Variants in PLXNA4 observed in about 807,000 individuals in gnomAD.
PLXNA4 encodes plexin A4, also known as plexin-A4.
Under a neutral mutation model 191.8 loss-of-function variants are expected in PLXNA4, and 44 were observed. The ratio of observed to expected loss-of-function variants is 0.23; its 90% CI spans 0.18 to 0.29. PLXNA4 has a LOEUF of 0.29. Ranked by LOEUF, PLXNA4 falls within the 10% of genes least tolerant of loss-of-function variation. The probability of loss-of-function intolerance (pLI) is 1.00; values close to 1 mark genes in which losing one functional copy is unlikely to be tolerated. For synonymous variants in PLXNA4, 1,082 were observed against 1,009.5 expected (o/e 1.07, Z -1.36); for missense variants, 1,800 against 2,488.8 (o/e 0.72, Z 5.89).
At chr7:132,239,377 A>C (rs1798805946) in intron 5 of PLXNA4, among the ~76,000 whole-genome samples, 1 of 152,164 alleles carries the variant, frequency 6.6e-6, no homozygotes, top group Non-Finnish European at 1.5e-5. Context: ...CTGGGACAGC[A>C]TTGTGGGCAG....
chr7:132,622,738 T>C (rs151191927), intron 2 of PLXNA4, among the ~76,000 whole-genome samples: 13 of 152,108 alleles, frequency 8.5e-5, no homozygotes, highest in Middle Eastern at 6.8e-3. Flanking sequence ...CTGCAGAGAG[T>C]CTAGATGCTG....
intron 3 of PLXNA4, among the ~76,000 whole-genome samples, chr7:132,398,345 C>A (rs1423192341): frequency 6.6e-6 from 1 of 152,214 alleles, no homozygotes; most frequent in Non-Finnish European, 1.5e-5. Flanking sequence ...CCAGGAAGAC[C>A]CTGCTGAGTG....
chr7:132,431,228 A>G (rs995201423), intron 3 of PLXNA4, among the ~76,000 whole-genome samples: 4 of 152,164 alleles, frequency 2.6e-5, no homozygotes, highest in African/African-American at 7.2e-5. Flanking sequence ...AATTCTGTCC[A>G]TTGGCCAGGA....
At chr7:132,498,840 T>C (rs1798134139) in intron 2 of PLXNA4, among the ~76,000 whole-genome samples, 1 of 152,186 alleles carries the variant, frequency 6.6e-6, no homozygotes, top group African/African-American at 2.4e-5. Flanking sequence ...GGGATTTTGA[T>C]GCAAATATTC....
At chr7:132,619,741 CAG>C (rs900216974) in intron 2 of PLXNA4, among the ~76,000 whole-genome samples, 1 of 152,262 alleles carries the variant, frequency 6.6e-6, no homozygotes, top group Non-Finnish European at 1.5e-5. Flanking sequence ...CTCCAACTAT[CAG>C]ACTACTGGAA....
At chr7:132,277,758 G>A (rs772027019) in intron 4 of PLXNA4, among the ~76,000 whole-genome samples, 3 of 152,312 alleles carry the variant, frequency 2.0e-5, no homozygotes, top group Non-Finnish European at 2.9e-5. Context: ...ACACCTAGCA[G>A]GGCAGGAGAA....
intron 4 of PLXNA4, among the ~76,000 whole-genome samples, chr7:132,282,345 G>A (rs905122314): frequency 1.4e-4 from 21 of 152,168 alleles, no homozygotes; most frequent in African/African-American, 5.1e-4. Context: ...GACCAAGGCA[G>A]GTGGATCGCT....
At chr7:132,142,408 T>G (rs1302959849) in intron 29 of PLXNA4, among the ~76,000 whole-genome samples, 3 of 152,232 alleles carry the variant, frequency 2.0e-5, no homozygotes, top group African/African-American at 7.2e-5. Flanking sequence ...GTGTTTGGCT[T>G]GCTCGTTAGA....
intron 3 of PLXNA4, chr7:132,484,715 T>A: frequency 1.3e-6 from 2 of 1,529,594 alleles, no homozygotes; most frequent in Non-Finnish European, 1.8e-6. Flanking sequence ...TCCAACATTG[T>A]ATCTCCATTT....
chr7:132,575,426 G>T (rs946474383), intron 1 of PLXNA4, among the ~76,000 whole-genome samples: 8 of 152,156 alleles, frequency 5.3e-5, no homozygotes, highest in African/African-American at 1.7e-4. Context: ...CGCCACGGTC[G>T]TGAGGGAGGG....
At chr7:132,556,244 A>G (rs911828192) in intron 1 of PLXNA4, among the ~76,000 whole-genome samples, 4 of 152,178 alleles carry the variant, frequency 2.6e-5, no homozygotes, top group Non-Finnish European at 5.9e-5. Context: ...CCAGAGAGGG[A>G]GCTTCTGCTG....
rs190049083 is a variant in PLXNA4 at position 132,454,523 on chromosome 7, G to A, written c.1371+34769C>T. On this transcript the variant is annotated intron_variant, in intron 3 of 31. Coordinates refer to ENST00000321063, the MANE Select transcript of PLXNA4 (RefSeq NM_020911.2). ...AAGTAGAGTAGGGCATAGAAAGGAC[G>A]TTGTTCTGAGCTGAAGTGCGCCCCC... is the stretch of plus-strand genomic sequence containing the variant. Among the ~76,000 whole-genome samples the A allele has an allele frequency of 3.1e-3, 470 of 152,134 alleles. 3 individuals are homozygous for A. The highest frequency in any genetic ancestry group is 4.6e-3 in the Admixed American group (70 of 15,284).
At chr7:132,646,998 CAT>C (rs199775202) in intron 1 of PLXNA4, among the ~76,000 whole-genome samples, 5 of 151,806 alleles carry the variant, frequency 3.3e-5, no homozygotes, top group African/African-American at 1.2e-4. Context: ...CATATACACA[CAT>C]ACACTCACAC....
rs140587916 is a variant in PLXNA4, at chr7:132,258,666, C to A, written c.1504-17500G>T. Among the ~76,000 whole-genome samples, 768 of 152,254 alleles carry A rather than the reference C, an allele frequency of 5.0e-3. 8 individuals carry two copies. The highest frequency in any genetic ancestry group is 0.017 in the Middle Eastern group (5 of 294). Reference sequence around the variant, plus strand: ...CAATTCTGTAGGAGCTATGCTTAGACCTTTTGTGATGCTTGGAGAAACCAC... The same window carrying A: ...CAATTCTGTAGGAGCTATGCTTAGAACTTTTGTGATGCTTGGAGAAACCAC... On this transcript the variant is annotated intron_variant, in intron 4 of 31. Transcript: ENST00000321063.
At chr7:132,492,628 C>T (rs1797852356) in intron 2 of PLXNA4, among the ~76,000 whole-genome samples, 1 of 152,102 alleles carries the variant, frequency 6.6e-6, no homozygotes. Flanking sequence ...AGGAGGTGGC[C>T]CTGCTCTTTG....
intron 1 of PLXNA4, among the ~76,000 whole-genome samples, chr7:132,529,895 G>A (rs939938539): frequency 3.3e-5 from 5 of 152,154 alleles, no homozygotes; most frequent in South Asian, 2.1e-4. Context: ...GTGAGCCACC[G>A]CGCCTGGCCC....
intron 2 of PLXNA4, among the ~76,000 whole-genome samples, chr7:132,496,379 A>AAAAACAAAAC (rs890025852): frequency 6.6e-6 from 1 of 152,156 alleles, no homozygotes; most frequent in Non-Finnish European, 1.5e-5. Context: ...TGGTGACAGA[A>AAAAACAAAAC]AAAACAAAAC....
At position 132,223,659 on chromosome 7, in the gene PLXNA4, G is replaced by C; in HGVS notation, c.1983-18C>G. 1 of 1,603,320 alleles carries C rather than the reference G, an allele frequency of 6.2e-7. No homozygotes were observed. The highest frequency in any genetic ancestry group is 8.5e-7 in the Non-Finnish European group (1 of 1,172,416). Reference sequence around the variant, plus strand: ...ACAGGCACCTGGGCACAGGGGAAGGGAGGCACAAATCTAAGAACCTGGATG... The same window carrying C: ...ACAGGCACCTGGGCACAGGGGAAGGCAGGCACAAATCTAAGAACCTGGATG... On this transcript the variant is annotated intron_variant, in intron 8 of 31. Coordinates refer to ENST00000321063, the MANE Select transcript of PLXNA4 (RefSeq NM_020911.2).
At position 132,180,697 on chromosome 7, in the gene PLXNA4, G is replaced by T. The variant is rs201842720; in HGVS notation, c.3528C>A (p.Asn1176Lys). ...CCAGCACAGTGTAGTTCAGCTTCAC[G>T]TTGCCCCCAGCCACAGGCGGGATCA... ...KNLIPPVAGG[N>K]VKLNYTVLVG... Residue 1176 changes from asparagine to lysine, a missense_variant, in exon 19 of 32, where the codon AAC (asparagine) becomes AAA (lysine). By Grantham distance (94) the Asn-to-Lys change is moderately conservative. Transcript: ENST00000321063. 4 of 1,614,052 alleles carry T rather than the reference G, an allele frequency of 2.5e-6. No individual in the cohort carries two copies. In the African/African-American group the frequency reaches 5.3e-5, roughly 22 times the overall value.
Sources: allele counts gnomAD v4.1 joint callset (sites outside exome capture counted in the v4.1 genomes callset), GRCh38; gene constraint gnomAD v4.1.1; transcripts MANE v1.5; gene names NCBI Gene and HGNC (gene_info 2026-07-23, HGNC 2026-07-21).